The following IRAG2 variants were observed in gnomAD, a reference collection of about 807,000 sequenced individuals.
The protein encoded by IRAG2 is lymphoid restricted membrane protein.
A neutral mutation model predicts 69.9 loss-of-function variants in IRAG2; 45 were observed. The ratio of observed to expected loss-of-function variants is 0.64; its 90% CI spans 0.51 to 0.83. IRAG2 has a LOEUF of 0.83. IRAG2 is among the 40% of genes least tolerant of loss of function. The probability of loss-of-function intolerance (pLI) is 0.00; values close to 1 mark genes in which losing one functional copy is unlikely to be tolerated. For missense variants in IRAG2, 520 were observed against 587.0 expected, an observed-to-expected ratio of 0.89 and a Z score of 1.18; for synonymous variants, 193 against 202.4, an observed-to-expected ratio of 0.95 and a Z score of 0.40.
intron 7 of IRAG2, among the ~76,000 whole-genome samples, chr12:25,022,175 A>G (rs1247846683): frequency 6.6e-6 from 1 of 152,202 alleles, no homozygotes; most frequent in Non-Finnish European, 1.5e-5. Context: ...AAAGCATTCA[A>G]TGTCCTTTCT....
upstream of IRAG2, among the ~76,000 whole-genome samples, chr12:25,052,008 T>C (rs1426252960): frequency 6.6e-6 from 1 of 152,174 alleles, no homozygotes; most frequent in East Asian, 1.9e-4. Flanking sequence ...AAACTAGAAG[T>C]CCTTATCTGT....
chr12:25,062,940 T>G, intron 3 of IRAG2, 40 bp downstream of exon 3: 1 of 398,958 alleles, frequency 2.5e-6, no homozygotes, highest in East Asian at 3.6e-5. Context: ...GTAGTAATTG[T>G]GAATCAACAA....
chr12:25,096,029 C>G (rs1055993097), intron 14 of IRAG2, among the ~76,000 whole-genome samples: 2 of 152,202 alleles, frequency 1.3e-5, no homozygotes, highest in African/African-American at 4.8e-5. Flanking sequence ...AAGTGGTTAT[C>G]CTTCATTGAG....
chr12:25,036,986 TC>T (rs1786048671), intron 15 of IRAG2, among the ~76,000 whole-genome samples: 1 of 152,228 alleles, frequency 6.6e-6, no homozygotes, highest in African/African-American at 2.4e-5. Flanking sequence ...TTAAGATTTT[TC>T]CTTAGCCTAT....
chr12:25,005,002 C>A, intron 1 of IRAG2: 1 of 865,766 alleles, frequency 1.2e-6, no homozygotes, highest in Non-Finnish European at 1.5e-6. Flanking sequence ...AAAAAATCTA[C>A]ATTATTAAAG....
chr12:25,089,825 A>C, intron 13 of IRAG2, 35 bp downstream of exon 13: 7 of 1,607,080 alleles, frequency 4.4e-6, no homozygotes, highest in Non-Finnish European at 6.0e-6. Flanking sequence ...CCTTTTAAAA[A>C]AGTGTTCCAG....
At chr12:25,031,938 A>C (rs1944671121) in intron 10 of IRAG2, among the ~76,000 whole-genome samples, 1 of 152,230 alleles carries the variant, frequency 6.6e-6, no homozygotes. Flanking sequence ...TTGGGATTAC[A>C]GTCGTGAGCC....
intron 6 of IRAG2, among the ~76,000 whole-genome samples, chr12:25,070,123 C>T (rs1262976219): frequency 6.6e-6 from 1 of 152,086 alleles, no homozygotes; most frequent in Non-Finnish European, 1.5e-5. Context: ...TATAATTCAC[C>T]CACCAGACAA....
intron 10 of IRAG2, among the ~76,000 whole-genome samples, chr12:25,031,768 T>A (rs1018730628): frequency 2.0e-5 from 3 of 152,212 alleles, no homozygotes; most frequent in Admixed American, 6.5e-5. Flanking sequence ...ATTCAAGTGA[T>A]TCTCCTGCCT....
chr12:25,059,135 T>G (rs1213401675), intron 1 of IRAG2, among the ~76,000 whole-genome samples: 1 of 152,190 alleles, frequency 6.6e-6, no homozygotes, highest in Non-Finnish European at 1.5e-5. Context: ...TAAGATAGTA[T>G]TCTGAATTTG....
At chr12:25,043,379 T>G (rs1448028109) in intron 16 of IRAG2, among the ~76,000 whole-genome samples, 2 of 152,184 alleles carry the variant, frequency 1.3e-5, no homozygotes, top group African/African-American at 2.4e-5. Context: ...TCACTTGTCT[T>G]ATAGTGCTAA....
intron 3 of IRAG2, among the ~76,000 whole-genome samples, chr12:25,012,869 G>C (rs1944488306): frequency 6.6e-6 from 1 of 152,210 alleles, no homozygotes; most frequent in East Asian, 1.9e-4. Context: ...AAACTTACCA[G>C]ATTTCTGGTA....
chr12:25,079,460 G>A lies in IRAG2; in HGVS notation c.134G>A (p.Ser45Asn), dbSNP rs986090778. Residue 45 changes from serine to asparagine, a missense_variant and splice_region_variant, in exon 8 of 22, where the codon AGT becomes AAT. Physicochemically the swap from Ser to Asn is conservative, Grantham distance 46. Transcript: ENST00000556887. ...TSSTDGTITS[S>N]DPGLEILNMA... ...TCGACAGACGGTACTATAACTTCAA[G>A]TGGTAAGTGGATTTGGAAATAATAT... 5 of 1,611,550 alleles carry A rather than the reference G, an allele frequency of 3.1e-6. No individual in the cohort carries two copies. The highest frequency in any genetic ancestry group is 4.2e-6 in the Non-Finnish European group (5 of 1,177,676).
intron 6 of IRAG2, among the ~76,000 whole-genome samples, chr12:25,070,677 A>G (rs1591998182): frequency 6.6e-6 from 1 of 152,206 alleles, no homozygotes; most frequent in African/African-American, 2.4e-5. Flanking sequence ...ACTGCATCAT[A>G]TGGTAACTCT....
Position 25,058,032 on chromosome 12 carries a change from C to T in IRAG2, c.-446-3560C>T, listed in dbSNP as rs147422444. ...CTGCAGTATATGCAGTTTGGGGTTA[C>T]GACGGACAAAGCTGCTATGAACGTC... is the stretch of plus-strand genomic sequence containing the variant. On this transcript the variant is annotated intron_variant, in intron 1 of 21. Transcript: ENST00000556887. Among the ~76,000 whole-genome samples the T allele has an allele frequency of 4.9e-3, 750 of 152,242 alleles. 4 individuals are homozygous for T. Among genetic ancestry groups the T allele is most frequent in the African/African-American group, 0.017 (707 of 41,546 alleles).
Position 25,106,882 on chromosome 12 carries a change from T to A in IRAG2, c.1149-61T>A, listed in dbSNP as rs185079137. On this transcript the variant is annotated intron_variant, in intron 20 of 21. Transcript: ENST00000556887. Reference sequence around the variant, plus strand: ...GTTACAGTAAGATTCAGCAATATTTTATGAATAATTATAGCATATTATCCT... The same window carrying A: ...GTTACAGTAAGATTCAGCAATATTTAATGAATAATTATAGCATATTATCCT... The A allele has an allele frequency of 3.1e-3, 2,142 of 684,074 alleles. 13 individuals carry two copies. The highest frequency in any genetic ancestry group is 3.0e-3 in the Non-Finnish European group (1,295 of 435,554). The allele number at this position is 684,074 out of a possible 1,614,324, so 42.4% of individuals were successfully genotyped here. A position where few individuals can be genotyped will look rare whatever the true frequency, so the allele number is the denominator to read the frequency against.
At chr12:25,107,719 G>T (rs1949296437) in intron 21 of IRAG2, 98 bp from the exon 22 acceptor site, 2 of 1,169,328 alleles carry the variant, frequency 1.7e-6, no homozygotes, top group South Asian at 1.4e-5. Flanking sequence ...AGTTTTGGGG[G>T]TATGAAGGGC....
At chr12:25,089,114 T>C (rs1313816368) in intron 11 of IRAG2, among the ~76,000 whole-genome samples, 1 of 152,206 alleles carries the variant, frequency 6.6e-6, no homozygotes, top group Admixed American at 6.5e-5. Flanking sequence ...CATAAAATCA[T>C]ATGTGTAAAA....
At chr12:25,035,623 C>A in intron 13 of IRAG2, 1 of 398,814 alleles carries the variant, frequency 2.5e-6, no homozygotes, top group South Asian at 1.3e-4. Flanking sequence ...ATTCAGATGT[C>A]AATTGTGGGC....
Sources: allele counts gnomAD v4.1 joint callset (sites outside exome capture counted in the v4.1 genomes callset), GRCh38; gene constraint gnomAD v4.1.1; transcripts MANE v1.5; gene names NCBI Gene and HGNC (gene_info 2026-07-23, HGNC 2026-07-21).